The following BBX variants were observed in gnomAD, a reference collection of about 807,000 sequenced individuals.
The protein encoded by BBX is BBX high mobility group box domain containing, also known as HMG box transcription factor BBX.
A neutral mutation model predicts 100.2 loss-of-function variants in BBX; 30 were observed. That is an observed-to-expected ratio of 0.30 (90% confidence interval 0.22 to 0.41). The LOEUF is 0.41. Ranked by LOEUF, BBX falls within the 10% of genes least tolerant of loss-of-function variation. BBX has a pLI of 1.00. For missense variants in BBX, 1,023 were observed against 1,129.8 expected (o/e 0.91, Z 1.35); for synonymous variants, 376 against 388.1 (o/e 0.97, Z 0.37).
At chr3:107,656,631 G>T (rs1220379487) in intron 3 of BBX, among the ~76,000 whole-genome samples, 1 of 152,106 alleles carries the variant, frequency 6.6e-6, no homozygotes, top group African/African-American at 2.4e-5. Flanking sequence ...CTCCTGCTCT[G>T]TTCTGTTTCT....
intron 9 of BBX, among the ~76,000 whole-genome samples, chr3:107,748,765 T>C (rs967163839): frequency 2.6e-5 from 4 of 152,202 alleles, no homozygotes; most frequent in African/African-American, 9.7e-5. Context: ...GGTCTTTTCT[T>C]TTTTCCCTTT....
At chr3:107,760,751 A>G (rs144181755) in intron 10 of BBX, among the ~76,000 whole-genome samples, 1 of 152,244 alleles carries the variant, frequency 6.6e-6, no homozygotes, top group African/African-American at 2.4e-5. Flanking sequence ...GTTACTTAGG[A>G]ACCACTAGAA....
chr3:107,544,582 A>T (rs924390648), intron 2 of BBX, among the ~76,000 whole-genome samples: 1 of 152,204 alleles, frequency 6.6e-6, no homozygotes, highest in Admixed American at 6.5e-5. Flanking sequence ...TTATAAATAT[A>T]ATAGAAGCCT....
chr3:107,700,954 C>T (rs2061002033), intron 3 of BBX, among the ~76,000 whole-genome samples: 1 of 151,562 alleles, frequency 6.6e-6, no homozygotes, highest in African/African-American at 2.4e-5. Context: ...GGGTATATAC[C>T]CAGTAATGGG....
At chr3:107,598,029 G>A (rs1409199840) in intron 2 of BBX, among the ~76,000 whole-genome samples, 1 of 152,100 alleles carries the variant, frequency 6.6e-6, no homozygotes, top group Admixed American at 6.6e-5. Context: ...TTTTAGGAGA[G>A]GGTACTTGGA....
At chr3:107,712,119 C>A (rs971444153) in intron 4 of BBX, among the ~76,000 whole-genome samples, 4 of 152,148 alleles carry the variant, frequency 2.6e-5, no homozygotes, top group African/African-American at 9.7e-5. Context: ...TCAAGCAATC[C>A]TCCCTTCTCA....
chr3:107,656,210 T>C (rs2058131948), intron 3 of BBX, among the ~76,000 whole-genome samples: 1 of 152,236 alleles, frequency 6.6e-6, no homozygotes. Flanking sequence ...AGAAATGTTC[T>C]GTGAAAGTAT....
At chr3:107,622,692 A>G (rs1391393431) in intron 2 of BBX, among the ~76,000 whole-genome samples, 2 of 152,130 alleles carry the variant, frequency 1.3e-5, no homozygotes, top group African/African-American at 2.4e-5. Context: ...TTTTCTGTGC[A>G]AATTGAGATT....
At chr3:107,616,187 T>G (rs2107672782) in intron 2 of BBX, among the ~76,000 whole-genome samples, 2 of 151,908 alleles carry the variant, frequency 1.3e-5, no homozygotes, top group Middle Eastern at 3.4e-3. Flanking sequence ...GATTCAAAAT[T>G]TTTTTAGTGC....
intron 2 of BBX, among the ~76,000 whole-genome samples, chr3:107,597,014 A>G (rs1348306545): frequency 2.0e-5 from 3 of 152,216 alleles, no homozygotes; most frequent in South Asian, 4.1e-4. Context: ...TTTGAAAACT[A>G]TGGATTACTT....
intron 16 of BBX, among the ~76,000 whole-genome samples, chr3:107,799,468 A>C (rs1347295269): frequency 6.6e-6 from 1 of 152,160 alleles, no homozygotes; most frequent in Non-Finnish European, 1.5e-5. Context: ...CTAGAAAAGA[A>C]AGGTAGTTTT....
intron 4 of BBX, 124 bp downstream of exon 4, chr3:107,710,746 T>G (rs2061665352): frequency 1.2e-6 from 1 of 860,714 alleles, no homozygotes; most frequent in African/African-American, 1.7e-5. Flanking sequence ...TGAATCCTAT[T>G]CAATTACTTA....
At chr3:107,547,111 G>C (rs2049296049) in intron 2 of BBX, among the ~76,000 whole-genome samples, 1 of 152,140 alleles carries the variant, frequency 6.6e-6, no homozygotes, top group African/African-American at 2.4e-5. Context: ...TAGTATAAGA[G>C]AAGTATTTCC....
intron 2 of BBX, among the ~76,000 whole-genome samples, chr3:107,539,844 A>G (rs1257992511): frequency 6.6e-6 from 1 of 152,192 alleles, no homozygotes; most frequent in Non-Finnish European, 1.5e-5. Flanking sequence ...ACCACTGGTC[A>G]TTATTGAGCA....
intron 2 of BBX, among the ~76,000 whole-genome samples, chr3:107,623,481 G>A (rs2055937922): frequency 6.6e-6 from 1 of 152,112 alleles, no homozygotes; most frequent in Admixed American, 6.5e-5. Context: ...TCTTGTCCAG[G>A]TTTTATAGCT....
chr3:107,793,590 C>G (rs1220650244), intron 15 of BBX, among the ~76,000 whole-genome samples: 3 of 152,096 alleles, frequency 2.0e-5, no homozygotes, highest in Non-Finnish European at 4.4e-5. Flanking sequence ...GACTATATCA[C>G]TGCTTATTGA....
intron 3 of BBX, among the ~76,000 whole-genome samples, chr3:107,674,247 CTTGATTCTTT>C (rs1318339948): frequency 1.3e-5 from 2 of 152,064 alleles, no homozygotes; most frequent in Non-Finnish European, 1.5e-5. Context: ...TTTGATTCTT[CTTGATTCTTT>C]TAGTAAGTAC....
intron 2 of BBX, among the ~76,000 whole-genome samples, chr3:107,560,831 G>T (rs1003583935): frequency 1.3e-5 from 2 of 152,216 alleles, no homozygotes; most frequent in African/African-American, 4.8e-5. Context: ...GAATAGCTAG[G>T]AGGGAGGTAT....
rs1488638102 is a variant in BBX, at chr3:107,807,947, C to G, written c.*2490C>G. ...GAAATCCTGCAAAGCTTTATAGTTC[C>G]TTAGACTCACCTTGTCGATTCTCTG... On this transcript the variant is annotated 3_prime_UTR_variant, in exon 18 of 18. Coordinates refer to ENST00000325805, the MANE Select transcript of BBX (RefSeq NM_001142568.3). 6.6e-6 allele frequency: 1 copy of G among 152,102 alleles called. No individual in the cohort carries two copies. The allele number at this position is 152,102 out of a possible 1,614,324, so 9.4% of individuals were successfully genotyped here.
Sources: allele counts gnomAD v4.1 joint callset (sites outside exome capture counted in the v4.1 genomes callset), GRCh38; gene constraint gnomAD v4.1.1; transcripts MANE v1.5; gene names NCBI Gene and HGNC (gene_info 2026-07-23, HGNC 2026-07-21).